KCNIP1: variants seen among roughly 807,000 people sequenced by gnomAD.
KCNIP1 encodes A-type potassium channel modulatory protein KCNIP1.
Under a neutral mutation model 33.0 loss-of-function variants are expected in KCNIP1, and 18 were observed. That is an observed-to-expected ratio of 0.55 (90% confidence interval 0.38 to 0.81). The LOEUF (loss-of-function observed/expected upper bound fraction) is 0.81, where lower values mean the gene tolerates loss of function less well. Ranked by LOEUF, KCNIP1 falls within the 30% of genes least tolerant of loss-of-function variation. The pLI, the probability that KCNIP1 is intolerant of heterozygous loss-of-function variation, is 0.00. For synonymous variants in KCNIP1, 93 were observed against 98.3 expected (o/e 0.95, Z 0.32); for missense variants, 238 against 271.6 (o/e 0.88, Z 0.87).
intron 1 of KCNIP1, among the ~76,000 whole-genome samples, chr5:170,394,085 A>G (rs999747264): frequency 1.3e-5 from 2 of 152,144 alleles, no homozygotes; most frequent in African/African-American, 4.8e-5. Context: ...TGGCCTTTTC[A>G]ACACACATAA....
chr5:170,717,848 A>T (rs531013034), intron 1 of KCNIP1, among the ~76,000 whole-genome samples: 1 of 152,330 alleles, frequency 6.6e-6, no homozygotes, highest in South Asian at 2.1e-4. Flanking sequence ...ATTTGGTAAT[A>T]TCTGCATGAC....
At chr5:170,367,710 T>C (rs1763732422) in intron 1 of KCNIP1, among the ~76,000 whole-genome samples, 1 of 152,220 alleles carries the variant, frequency 6.6e-6, no homozygotes, top group African/African-American at 2.4e-5. Flanking sequence ...CTCAGAACCG[T>C]TCCTGAAATC....
chr5:170,368,418 C>A (rs1383565789), intron 1 of KCNIP1, among the ~76,000 whole-genome samples: 1 of 152,130 alleles, frequency 6.6e-6, no homozygotes, highest in Non-Finnish European at 1.5e-5. Flanking sequence ...GTGCCGGCCA[C>A]CACAGCCAGC....
At chr5:170,491,419 C>T (rs540607416) in intron 1 of KCNIP1, among the ~76,000 whole-genome samples, 7 of 152,166 alleles carry the variant, frequency 4.6e-5, no homozygotes, top group Non-Finnish European at 8.8e-5. Flanking sequence ...GTACTGAAGG[C>T]CTCAGGCTAC....
chr5:170,628,091 G>A (rs113985203), intron 1 of KCNIP1, among the ~76,000 whole-genome samples: 1,525 of 152,316 alleles, frequency 0.01, 27 homozygotes, highest in African/African-American at 0.035. Context: ...ATTCAGAGAC[G>A]AAGTGACAGA....
intron 1 of KCNIP1, among the ~76,000 whole-genome samples, chr5:170,556,254 T>C (rs559318181): frequency 2.6e-5 from 4 of 152,278 alleles, no homozygotes; most frequent in African/African-American, 9.6e-5. Context: ...TGACAGTTTG[T>C]CAAAATCGCT....
At chr5:170,676,654 C>T (rs1762156291) in intron 1 of KCNIP1, among the ~76,000 whole-genome samples, 1 of 152,158 alleles carries the variant, frequency 6.6e-6, no homozygotes, top group African/African-American at 2.4e-5. Context: ...ACTCAGAAAG[C>T]CCCCATGGCA....
intron 1 of KCNIP1, among the ~76,000 whole-genome samples, chr5:170,606,217 G>A (rs893653662): frequency 6.6e-6 from 1 of 152,142 alleles, no homozygotes; most frequent in Non-Finnish European, 1.5e-5. Context: ...TCATGTACAA[G>A]TTTTTATTTG....
At chr5:170,416,645 G>T (rs553752407) in intron 1 of KCNIP1, among the ~76,000 whole-genome samples, 1 of 152,124 alleles carries the variant, frequency 6.6e-6, no homozygotes, top group South Asian at 2.1e-4. Flanking sequence ...AAGACATTTG[G>T]CAATAGTAAC....
intron 1 of KCNIP1, among the ~76,000 whole-genome samples, chr5:170,448,903 T>C (rs1202378023): frequency 4.6e-5 from 7 of 152,244 alleles, no homozygotes; most frequent in Non-Finnish European, 1.0e-4. Flanking sequence ...GTTCCCGTAT[T>C]ACAGATGAGA....
chr5:170,653,218 T>C (rs1761121733), intron 1 of KCNIP1, among the ~76,000 whole-genome samples: 2 of 152,168 alleles, frequency 1.3e-5, no homozygotes, highest in Admixed American at 1.3e-4. Context: ...GTTGCTGGAT[T>C]TGGGATTTTG....
At chr5:170,527,291 T>C (rs1350533607) in intron 1 of KCNIP1, among the ~76,000 whole-genome samples, 4 of 152,192 alleles carry the variant, frequency 2.6e-5, no homozygotes, top group Non-Finnish European at 5.9e-5. Flanking sequence ...CATTCTGCCT[T>C]ATTACAAAAG....
chr5:170,461,299 G>GA (rs1270572496), intron 1 of KCNIP1, among the ~76,000 whole-genome samples: 1 of 151,984 alleles, frequency 6.6e-6, no homozygotes, highest in East Asian at 1.9e-4. Flanking sequence ...CACAGAATTA[G>GA]AAAAAAACAG....
At chr5:170,613,592 C>T (rs1253582458) in intron 1 of KCNIP1, among the ~76,000 whole-genome samples, 1 of 151,804 alleles carries the variant, frequency 6.6e-6, no homozygotes, top group Admixed American at 6.6e-5. Context: ...TTGGGGAGAC[C>T]ACAGGGAAAG....
intron 1 of KCNIP1, among the ~76,000 whole-genome samples, chr5:170,564,029 A>G (rs1355093567): frequency 4.6e-5 from 7 of 152,092 alleles, no homozygotes; most frequent in African/African-American, 1.7e-4. Flanking sequence ...AGAGTCCCCA[A>G]CCACCCTACG....
At chr5:170,618,246 A>G (rs1269996978) in intron 1 of KCNIP1, among the ~76,000 whole-genome samples, 3 of 152,084 alleles carry the variant, frequency 2.0e-5, no homozygotes, top group Non-Finnish European at 4.4e-5. Flanking sequence ...ACTTGCAGGC[A>G]TGCTAACGGC....
At chr5:170,623,640 T>A (rs1446781012) in intron 1 of KCNIP1, among the ~76,000 whole-genome samples, 1 of 152,006 alleles carries the variant, frequency 6.6e-6, no homozygotes, top group Non-Finnish European at 1.5e-5. Context: ...CTTCATGAAG[T>A]TTCAGGTAAA....
At chr5:170,718,930 G>T in intron 2 of KCNIP1, 48 bp downstream of exon 2, 1 of 1,582,582 alleles carries the variant, frequency 6.3e-7, no homozygotes, top group Non-Finnish European at 8.5e-7. Context: ...TCCCACGTGA[G>T]GCTACACTCT....
At chr5:170,630,522 A>C (rs2113670130) in intron 1 of KCNIP1, among the ~76,000 whole-genome samples, 1 of 152,352 alleles carries the variant, frequency 6.6e-6, no homozygotes, top group South Asian at 2.1e-4. Flanking sequence ...AGAGGCGTCC[A>C]TCAGGACTTG....
Sources: gnomAD v4.1 joint callset for allele counts (sites outside exome capture counted in the v4.1 genomes callset) on GRCh38, gnomAD v4.1.1 for gene constraint, MANE v1.5 for transcripts, NCBI Gene and HGNC (gene_info 2026-07-23, HGNC 2026-07-21) for gene names.